The following COL15A1 variants were observed in gnomAD, a reference collection of about 807,000 sequenced individuals.
COL15A1 encodes the protein collagen type XV alpha 1 chain, also known as collagen alpha-1(XV) chain.
In COL15A1, 111 loss-of-function variants were observed where a neutral mutation model predicts 165.9. The observed-to-expected ratio is 0.67, with a 90% confidence interval of 0.57 to 0.78. COL15A1 has a LOEUF of 0.78. Among genes scored for constraint, COL15A1 ranks in the 30% least tolerant of loss-of-function variants. The pLI is 0.00. For synonymous variants in COL15A1, 659 were observed against 674.8 expected, an observed-to-expected ratio of 0.98 and a Z score of 0.36; for missense variants, 1,745 against 1,789.7, an observed-to-expected ratio of 0.98 and a Z score of 0.45.
intron 21 of COL15A1, 97 bp downstream of exon 21, chr9:99,036,493 G>C: frequency 7.7e-7 from 1 of 1,304,016 alleles, no homozygotes; most frequent in Non-Finnish European, 1.1e-6. Context: ...TGGCTATGCA[G>C]GAGGCATGTA....
chr9:99,018,170 C>A (rs1416787526), intron 11 of COL15A1, among the ~76,000 whole-genome samples: 1 of 152,220 alleles, frequency 6.6e-6, no homozygotes, highest in African/African-American at 2.4e-5. Flanking sequence ...AATGCCCTGG[C>A]TATTTTGTTT....
intron 13 of COL15A1, 110 bp from the exon 14 acceptor site, chr9:99,023,247 G>A: frequency 2.2e-6 from 3 of 1,345,632 alleles, no homozygotes; most frequent in Non-Finnish European, 3.0e-6. Context: ...GAAGTTATCG[G>A]GCTATAGGAT....
rs774808163 is a variant in COL15A1 at position 99,015,412 on chromosome 9, T to G, written c.1354-5T>G. 3.1e-6 allele frequency: 5 copies of G among 1,605,168 alleles called. No homozygotes were observed. Among genetic ancestry groups the G allele is most frequent in the Non-Finnish European group, 4.3e-6 (5 of 1,173,178 alleles). The stretch of plus-strand genomic sequence containing the variant: ...GCACAGCTCCTCATGCCAATTTCAT[T>G]TCAGGGTCCAAGCAGTGAAGACAGT... On this transcript the variant is annotated splice_polypyrimidine_tract_variant and splice_region_variant and intron_variant, in intron 9 of 41. Transcript: ENST00000375001.
intron 2 of COL15A1, among the ~76,000 whole-genome samples, chr9:98,944,900 A>G (rs372884444): frequency 2.0e-5 from 3 of 152,322 alleles, no homozygotes; most frequent in African/African-American, 7.2e-5. Flanking sequence ...TATAAGTTAA[A>G]GTAGACCTAA....
chr9:99,062,380 C>A, intron 38 of COL15A1, 76 bp downstream of exon 38: 3 of 1,062,432 alleles, frequency 2.8e-6, no homozygotes, highest in Non-Finnish European at 2.9e-6. Flanking sequence ...TATCTAGCAC[C>A]AAGCTCTCCA....
intron 16 of COL15A1, among the ~76,000 whole-genome samples, chr9:99,026,763 G>GA (rs1483383126): frequency 6.6e-6 from 1 of 152,232 alleles, no homozygotes; most frequent in South Asian, 2.1e-4. Flanking sequence ...ATTATGAGCA[G>GA]AAAGCACCCC....
intron 11 of COL15A1, among the ~76,000 whole-genome samples, chr9:99,017,081 AG>A (rs1183512517): frequency 1.3e-5 from 2 of 152,244 alleles, no homozygotes; most frequent in Non-Finnish European, 2.9e-5. Context: ...CTGGGCCCTC[AG>A]TCAGGACACT....
At chr9:99,009,720 G>A (rs1838819519) in intron 9 of COL15A1, among the ~76,000 whole-genome samples, 2 of 152,120 alleles carry the variant, frequency 1.3e-5, no homozygotes, top group South Asian at 4.1e-4. Context: ...TTCTTTGATT[G>A]AAGAGATTGA....
intron 2 of COL15A1, among the ~76,000 whole-genome samples, chr9:98,950,447 C>T (rs1837661155): frequency 6.7e-6 from 1 of 149,006 alleles, no homozygotes; most frequent in Non-Finnish European, 1.5e-5. Context: ...TTTCTTTCTC[C>T]TTCCTTCCCT....
rs1249602160 is a variant in COL15A1, at chr9:99,043,269, G to A, written c.2574+1162G>A. On this transcript the variant is annotated intron_variant, in intron 24 of 41. Coordinates refer to ENST00000375001, the MANE Select transcript of COL15A1 (RefSeq NM_001855.5). ...ATGCTGGGTGAAGGTTTGGCATCAC[G>A]TGGGGATGTGTCTTGGGATGCTTTT... is the stretch of plus-strand genomic sequence containing the variant. Among the ~76,000 whole-genome samples, 6 of 152,138 alleles carry A rather than the reference G, an allele frequency of 3.9e-5. No individual in the cohort carries two copies. The East Asian group carries it at 9.6e-4, about 24-fold the overall frequency.
chr9:98,999,941 G>T (rs993954606), intron 6 of COL15A1, among the ~76,000 whole-genome samples: 1 of 149,926 alleles, frequency 6.7e-6, no homozygotes, highest in Admixed American at 6.7e-5. Context: ...TACAACCTCT[G>T]CCCACTGCAA....
chr9:99,031,320 A>C (rs1407161585), intron 16 of COL15A1, among the ~76,000 whole-genome samples: 1 of 152,198 alleles, frequency 6.6e-6, no homozygotes, highest in Non-Finnish European at 1.5e-5. Flanking sequence ...AAACACTGCA[A>C]GAGATGGGAC....
chr9:99,045,709 G>C (rs1241077121), intron 26 of COL15A1, among the ~76,000 whole-genome samples: 1 of 152,236 alleles, frequency 6.6e-6, no homozygotes, highest in Non-Finnish European at 1.5e-5. Context: ...GACACAGCTT[G>C]TAAGTGGCAG....
rs866627407 is a variant in COL15A1, at chr9:99,060,259, T to A, written c.3402+306T>A. Among the ~76,000 whole-genome samples, 252 of 145,992 alleles carry A rather than the reference T, an allele frequency of 1.7e-3. 1 individual carries two copies. The highest frequency in any genetic ancestry group is 5.6e-3 in the African/African-American group (220 of 39,600). ...TTATATATATATATATATATATATT[T>A]TTTTTTTGCTGGATGAGGGGTGGAC... On this transcript the variant is annotated intron_variant, in intron 36 of 41. Coordinates refer to ENST00000375001, the MANE Select transcript of COL15A1 (RefSeq NM_001855.5).
intron 2 of COL15A1, among the ~76,000 whole-genome samples, chr9:98,964,395 C>T (rs1382614044): frequency 6.6e-6 from 1 of 152,214 alleles, no homozygotes; most frequent in Non-Finnish European, 1.5e-5. Context: ...ACTTCAGGGT[C>T]ACCATCTGTT....
chr9:99,052,555 G>A (rs1194376461), intron 31 of COL15A1, 122 bp downstream of exon 31: 19 of 815,318 alleles, frequency 2.3e-5, no homozygotes, highest in Non-Finnish European at 3.9e-5. Context: ...ATGCTGTAGG[G>A]GTGGGGATGG....
rs1268745474 is a variant in COL15A1 at position 99,038,688 on chromosome 9, T to C, written c.2430T>C (p.His810=). ...TTCAGTCCTTGATCAATATCACCCA[T>C]GGATTCATGAATTTCTCGGACATTC... The part of the protein sequence containing the change: ...VLSNSLINIT[H]GFMNFSDIPE... Residue 810 remains histidine, a synonymous_variant, in exon 22 of 42, where the codon CAT becomes CAC. Transcript: ENST00000375001. 6.2e-7 allele frequency: 1 copy of C among 1,608,904 alleles called. No individual in the cohort carries two copies. The highest frequency in any genetic ancestry group is 2.2e-5 in the East Asian group (1 of 44,866).
chr9:99,047,118 T>A (rs768388089), intron 26 of COL15A1, among the ~76,000 whole-genome samples: 1 of 152,218 alleles, frequency 6.6e-6, no homozygotes, highest in Admixed American at 6.5e-5. Flanking sequence ...ATCAGTGGTG[T>A]TGTCTGTCAA....
intron 9 of COL15A1, among the ~76,000 whole-genome samples, chr9:99,013,030 G>A (rs1448380852): frequency 6.6e-6 from 1 of 151,918 alleles, no homozygotes; most frequent in Non-Finnish European, 1.5e-5. Flanking sequence ...TATTTTAAGG[G>A]ACGAACTGAG....
Sources: allele counts gnomAD v4.1 joint callset (sites outside exome capture counted in the v4.1 genomes callset), GRCh38; gene constraint gnomAD v4.1.1; transcripts MANE v1.5; gene names NCBI Gene and HGNC (gene_info 2026-07-23, HGNC 2026-07-21).